ROBO2: variants seen among roughly 807,000 people sequenced by gnomAD.
ROBO2 encodes roundabout guidance receptor 2.
Under a neutral mutation model 160.8 loss-of-function variants are expected in ROBO2, and 53 were observed. The observed-to-expected ratio is 0.33, with a 90% CI of 0.26 to 0.41. The LOEUF (loss-of-function observed/expected upper bound fraction) is 0.41, where lower values mean the gene tolerates loss of function less well. ROBO2 is among the 10% of genes least tolerant of loss of function. The pLI, the probability that ROBO2 is intolerant of heterozygous loss-of-function variation, is 1.00. For missense variants in ROBO2, 1,577 were observed against 1,722.4 expected, an observed-to-expected ratio of 0.92 and a Z score of 1.49; for synonymous variants, 664 against 611.7, an observed-to-expected ratio of 1.09 and a Z score of -1.26.
chr3:77,226,862 AC>A (rs1560286609), intron 2 of ROBO2, among the ~76,000 whole-genome samples: 2 of 152,194 alleles, frequency 1.3e-5, no homozygotes, highest in Admixed American at 6.5e-5. Context: ...GTGCTCAAAT[AC>A]AGTTGCTACT....
chr3:77,409,748 G>A (rs1412565429), intron 2 of ROBO2, among the ~76,000 whole-genome samples: 3 of 152,098 alleles, frequency 2.0e-5, no homozygotes, highest in Non-Finnish European at 4.4e-5. Flanking sequence ...TGTTCTGGCA[G>A]CTCAGTTGAT....
At chr3:77,397,840 A>G (rs2153507328) in intron 2 of ROBO2, among the ~76,000 whole-genome samples, 1 of 152,216 alleles carries the variant, frequency 6.6e-6, no homozygotes, top group Admixed American at 6.5e-5. Context: ...CTTTGTACTG[A>G]GTTCTCAATT....
At chr3:77,408,862 C>A (rs1053556921) in intron 2 of ROBO2, among the ~76,000 whole-genome samples, 1 of 151,976 alleles carries the variant, frequency 6.6e-6, no homozygotes, top group East Asian at 1.9e-4. Flanking sequence ...ATAGCTGGGG[C>A]TACAGGCATT....
upstream of ROBO2, among the ~76,000 whole-genome samples, chr3:77,036,863 ATT>A (rs111659836): frequency 1.3e-4 from 18 of 140,488 alleles, no homozygotes; most frequent in Non-Finnish European, 1.7e-4. Context: ...GAAAACCTTA[ATT>A]TTTTTTTTTT....
intron 1 of ROBO2, among the ~76,000 whole-genome samples, chr3:77,078,562 G>T (rs1321982651): frequency 6.6e-6 from 1 of 152,148 alleles, no homozygotes; most frequent in Non-Finnish European, 1.5e-5. Flanking sequence ...AAAAAGTGCG[G>T]TTTGCATGTC....
At position 77,362,536 on chromosome 3, in the gene ROBO2, C is replaced by T. The variant is rs930312992; in HGVS notation, c.389-114878C>T. 2.0e-5 allele frequency among the ~76,000 whole-genome samples: 3 copies of T among 152,172 alleles called. No homozygotes were observed. The South Asian group carries it at 6.2e-4, about 32-fold the overall frequency. On this transcript the variant is annotated intron_variant, in intron 2 of 25. Transcript: ENST00000461745. The stretch of plus-strand genomic sequence containing the variant: ...CTTGCTAAACTGACTTAGCAGGGTT[C>T]TTGCTAAAACTGGATTTTACAAGGA...
rs540776534 is a variant in ROBO2, at chr3:76,751,247, A to G, written c.110-346767A>G. Among the ~76,000 whole-genome samples the G allele has an allele frequency of 7.0e-4, 106 of 152,278 alleles. 1 individual carries two copies. Among genetic ancestry groups the G allele is most frequent in the African/African-American group, 2.4e-3 (101 of 41,574 alleles). Reference sequence around the variant, plus strand: ...CTGGGAAAACTGGCTAGCCATATGTAGAAAGCTGAAACCTGAAACTGGATC... The same window carrying G: ...CTGGGAAAACTGGCTAGCCATATGTGGAAAGCTGAAACCTGAAACTGGATC... On this transcript the variant is annotated intron_variant, in intron 2 of 26. Transcript: ENST00000487694.
chr3:76,640,585 GTT>G (rs1304052801), intron 2 of ROBO2, among the ~76,000 whole-genome samples: 48 of 34,730 alleles, frequency 1.4e-3, no homozygotes, highest in African/African-American at 3.0e-3. Context: ...ATCAATGCGT[GTT>G]TGCGTGTGAG....
chr3:76,185,422 G>C (rs564748730), intron 2 of ROBO2, among the ~76,000 whole-genome samples: 7 of 151,802 alleles, frequency 4.6e-5, no homozygotes, highest in African/African-American at 1.7e-4. Flanking sequence ...GATGTGCTGG[G>C]ATGAGAGAAA....
At chr3:76,742,171 A>T (rs1427526123) in intron 2 of ROBO2, among the ~76,000 whole-genome samples, 1 of 152,156 alleles carries the variant, frequency 6.6e-6, no homozygotes, top group Non-Finnish European at 1.5e-5. Flanking sequence ...AAATATATCA[A>T]CAGAGATGCT....
chr3:76,592,931 A>G (rs539523696), intron 2 of ROBO2, among the ~76,000 whole-genome samples: 65 of 152,220 alleles, frequency 4.3e-4, no homozygotes, highest in Admixed American at 3.5e-3. Flanking sequence ...TATTTATTCA[A>G]TAGTGCCTTA....
intron 2 of ROBO2, among the ~76,000 whole-genome samples, chr3:76,639,457 C>T (rs1187986330): frequency 8.2e-6 from 1 of 121,320 alleles, no homozygotes; most frequent in Non-Finnish European, 1.7e-5. Context: ...AGTGTACCTA[C>T]ACTCTCTCAC....
chr3:77,625,954 A>C (rs191913072), intron 23 of ROBO2, among the ~76,000 whole-genome samples: 271 of 152,300 alleles, frequency 1.8e-3, no homozygotes, highest in African/African-American at 6.1e-3. Context: ...TTAATAGATT[A>C]AAAACAGAGG....
intron 2 of ROBO2, among the ~76,000 whole-genome samples, chr3:77,459,304 A>T (rs931834949): frequency 6.6e-6 from 1 of 152,228 alleles, no homozygotes; most frequent in Non-Finnish European, 1.5e-5. Flanking sequence ...TATTGAGTAA[A>T]CTCAACAATT....
rs1163132103 is a variant in ROBO2, at chr3:76,622,191, AAAGGAAGGAAGGAAGG to A, written c.110-475791_110-475776del. ...AGACCTCATATCTACTAAAAAAAAG[AAAGGAAGGAAGGAAGG>A]AAGGAAGGAAGGAAGGAAGGAAGGA... On this transcript the variant is annotated intron_variant, in intron 2 of 26. Coordinates refer to the ROBO2 transcript ENST00000487694. Among the ~76,000 whole-genome samples the A allele has an allele frequency of 1.5e-3, 100 of 65,900 alleles. 3 individuals carry two copies. Among genetic ancestry groups the A allele is most frequent in the African/African-American group, 5.5e-3 (89 of 16,278 alleles). 43.2% of individuals were successfully genotyped at this position (65,900 alleles called of 152,430 possible). A position where few individuals can be genotyped will look rare whatever the true frequency, so the allele number is the denominator to read the frequency against.
At chr3:77,512,335 T>A (rs2089495781) in intron 5 of ROBO2, among the ~76,000 whole-genome samples, 1 of 151,958 alleles carries the variant, frequency 6.6e-6, no homozygotes, top group African/African-American at 2.4e-5. Context: ...TTAGAAAAAT[T>A]GAGCAACTTT....
chr3:76,247,015 A>C (rs1424877871), intron 2 of ROBO2, among the ~76,000 whole-genome samples: 3 of 152,138 alleles, frequency 2.0e-5, no homozygotes, highest in African/African-American at 4.8e-5. Context: ...GGTGTAAAAA[A>C]TAGTTCTATA....
At chr3:77,343,854 C>A (rs1222385061) in intron 2 of ROBO2, among the ~76,000 whole-genome samples, 1 of 152,140 alleles carries the variant, frequency 6.6e-6, no homozygotes, top group Admixed American at 6.6e-5. Context: ...AGCTTTACTG[C>A]AGTCTGCAAA....
chr3:76,715,066 G>A (rs2093357756), intron 2 of ROBO2, among the ~76,000 whole-genome samples: 1 of 152,020 alleles, frequency 6.6e-6, no homozygotes, highest in South Asian at 2.1e-4. Context: ...ATGCCACTTT[G>A]TATTTGCACA....
Sources: allele counts gnomAD v4.1 joint callset (sites outside exome capture counted in the v4.1 genomes callset), GRCh38; gene constraint gnomAD v4.1.1; transcripts MANE v1.5; gene names NCBI Gene and HGNC (gene_info 2026-07-23, HGNC 2026-07-21).